MOGAT2: variants seen among roughly 807,000 people sequenced by gnomAD.
MOGAT2 encodes 2-acylglycerol O-acyltransferase 2.
In MOGAT2, 27 loss-of-function variants were observed where a neutral mutation model predicts 31.5. The ratio of observed to expected loss-of-function variants is 0.86; its 90% CI spans 0.63 to 1.18. MOGAT2 has a LOEUF of 1.18. MOGAT2 is among the 50% of genes most tolerant of loss of function. The pLI is 0.00. For synonymous variants in MOGAT2, 163 were observed against 170.0 expected, an observed-to-expected ratio of 0.96 and a Z score of 0.32; for missense variants, 436 against 433.2, an observed-to-expected ratio of 1.01 and a Z score of -0.06.
chr11:75,719,907 G>A, intron 1 of MOGAT2, 85 bp from the exon 2 acceptor site: 2 of 1,374,204 alleles, frequency 1.5e-6, no homozygotes, highest in Non-Finnish European at 2.0e-6. Flanking sequence ...CTAGTGCCAG[G>A]CCTATGGGCA....
chr11:75,729,240 C>T (rs999982929), intron 5 of MOGAT2, among the ~76,000 whole-genome samples: 1 of 152,210 alleles, frequency 6.6e-6, no homozygotes, highest in African/African-American at 2.4e-5. Context: ...ACACTAGCTG[C>T]CCTACATGAA....
chr11:75,727,416 C>G lies in MOGAT2; in HGVS notation c.271-19C>G, dbSNP rs778345959. 2 of 1,607,908 alleles carry G rather than the reference C, an allele frequency of 1.2e-6. No individual in the cohort carries two copies. Among genetic ancestry groups the G allele is most frequent in the East Asian group, 4.5e-5 (2 of 44,710 alleles). The stretch of plus-strand genomic sequence containing the variant: ...GTACACAGGCCCCGCCCTGGCTCAG[C>G]AGGTTGCCGTCCCTGCAGCTGGTCA... On this transcript the variant is annotated intron_variant, in intron 2 of 5. Transcript: ENST00000198801.
rs373792454 is a variant in MOGAT2 at position 75,728,064 on chromosome 11, G to T, written c.570G>T (p.Glu190Asp). 2.5e-6 allele frequency: 4 copies of T among 1,614,060 alleles called. No homozygotes were observed. Among genetic ancestry groups the T allele is most frequent in the Non-Finnish European group, 3.4e-6 (4 of 1,180,038 alleles). The change falls in exon 4 of 6, where the codon GAG becomes GAT. Residue 190 changes from glutamate to aspartate, a missense_variant. Glu to Asp is a conservative substitution (Grantham distance 45, BLOSUM62 2). Transcript: ENST00000198801. The stretch of plus-strand genomic sequence containing the variant: ...GCATCATTGTAGGGGGTGCCCAGGA[G>T]GCCCTGGATGCCAGGCCTGGATCCT... The part of the protein sequence containing the change: ...LLGIIVGGAQ[E>D]ALDARPGSFT...
intron 4 of MOGAT2, 179 bp downstream of exon 4, chr11:75,728,323 C>T (rs767887795): frequency 2.4e-5 from 18 of 754,776 alleles, no homozygotes; most frequent in Admixed American, 4.0e-5. Flanking sequence ...GTTTCCACAA[C>T]GGAGACTCAG....
rs1423613986 is a variant in MOGAT2, at chr11:75,731,677, C to G, written c.*391C>G. ...CTGTTGGTCGAAGCAAGTCACAACCCAGCAGATTCAAGGAGTAAGGAATAG... is the reference window on the plus strand; with the variant it reads ...CTGTTGGTCGAAGCAAGTCACAACCGAGCAGATTCAAGGAGTAAGGAATAG... On this transcript the variant is annotated 3_prime_UTR_variant, in exon 6 of 6. Transcript: ENST00000198801. 6.1e-6 allele frequency: 1 copy of G among 164,764 alleles called. No individual in the cohort carries two copies. The highest frequency in any genetic ancestry group is 2.4e-5 in the African/African-American group (1 of 41,586). 10.2% of individuals were successfully genotyped at this position (164,764 alleles called of 1,614,324 possible). A position where few individuals can be genotyped will look rare whatever the true frequency, so the allele number is the denominator to read the frequency against.
chr11:75,722,181 C>A (rs1403926211), intron 2 of MOGAT2, among the ~76,000 whole-genome samples: 2 of 152,206 alleles, frequency 1.3e-5, no homozygotes, highest in Non-Finnish European at 1.5e-5. Flanking sequence ...AAACTTAGGG[C>A]TTGCTGAGTT....
chr11:75,728,822 A>G lies in MOGAT2; in HGVS notation c.683A>G (p.Glu228Gly). 1.2e-6 allele frequency: 2 copies of G among 1,614,142 alleles called. No homozygotes were observed. The highest frequency in any genetic ancestry group is 2.7e-5 in the African/African-American group (2 of 75,036). ...CTGGTGCCAATCTTCTCCTTCGGGGAGAATGACCTATTTGACCAGATTCCC... is the reference window on the plus strand; with the variant it reads ...CTGGTGCCAATCTTCTCCTTCGGGGGGAATGACCTATTTGACCAGATTCCC... ...APLVPIFSFG[E>G]NDLFDQIPNS... The change falls in exon 5 of 6, where the codon GAG becomes GGG. Residue 228 changes from glutamate (E) to glycine (G), a missense_variant. Physicochemically the swap from Glu to Gly is moderately conservative, Grantham distance 98. Coordinates refer to ENST00000198801, the MANE Select transcript of MOGAT2 (RefSeq NM_025098.4).
In MOGAT2 at chr11:75,727,558, T is replaced by A. The variant is rs1282526158; in HGVS notation, c.394T>A (p.Phe132Ile). ...CTESTGFSSI[F>I]PGIRPHLMML... ...TGAGAGCACAGGCTTCTCTTCGATC[T>A]TCCCCGGTATCCGCCCCCATCTGAT... Residue 132 changes from phenylalanine to isoleucine, a missense_variant, in exon 3 of 6, where the codon TTC becomes ATC. Coordinates refer to ENST00000198801, the MANE Select transcript of MOGAT2 (RefSeq NM_025098.4). The A allele has an allele frequency of 6.2e-7, 1 of 1,614,192 alleles. No homozygotes were observed.
At chr11:75,724,626 C>T (rs558077052) in intron 2 of MOGAT2, among the ~76,000 whole-genome samples, 1 of 151,930 alleles carries the variant, frequency 6.6e-6, no homozygotes, top group East Asian at 1.9e-4. Context: ...CACGCCATTG[C>T]ACTCCAGCCT....
At chr11:75,727,829 G>C in intron 3 of MOGAT2, 141 bp from the exon 4 acceptor site, 2 of 1,032,374 alleles carry the variant, frequency 1.9e-6, no homozygotes, top group Non-Finnish European at 2.8e-6. Flanking sequence ...GACTCAGGGA[G>C]CTCCTAGCTG....
At position 75,718,171 on chromosome 11, in the gene MOGAT2, A is replaced by G. The variant is rs146419096; in HGVS notation, c.91+192A>G. Reference sequence around the variant, plus strand: ...GCTTCTTGGGGGTGGAGTGGGGTAGAAGTCACCGTCTGCTGCTCTGGGCAG... The same window carrying G: ...GCTTCTTGGGGGTGGAGTGGGGTAGGAGTCACCGTCTGCTGCTCTGGGCAG... On this transcript the variant is annotated intron_variant, in intron 1 of 5. Coordinates refer to ENST00000198801, the MANE Select transcript of MOGAT2 (RefSeq NM_025098.4). 3.6e-3 allele frequency among the ~76,000 whole-genome samples: 548 copies of G among 152,224 alleles called. 2 individuals are homozygous for G. Among genetic ancestry groups the G allele is most frequent in the African/African-American group, 0.013 (520 of 41,528 alleles).
At position 75,728,895 on chromosome 11, in the gene MOGAT2, G is replaced by C; in HGVS notation, c.756G>C (p.Lys252Asn). Residue 252 changes from lysine to asparagine, a missense_variant, in exon 5 of 6, where the codon AAG (lysine) becomes AAC (asparagine). Transcript: ENST00000198801. ...WLRYIQNRLQ[K>N]IMGISLPLFH... Reference sequence around the variant, plus strand: ...GCTATATCCAGAATCGGTTGCAGAAGATCATGGGCATCTCCCTCCCACTCT... The same window carrying C: ...GCTATATCCAGAATCGGTTGCAGAACATCATGGGCATCTCCCTCCCACTCT... 1.2e-6 allele frequency: 2 copies of C among 1,614,212 alleles called. No homozygotes were observed. Among genetic ancestry groups the C allele is most frequent in the South Asian group, 1.1e-5 (1 of 91,090 alleles).
intron 4 of MOGAT2, 84 bp downstream of exon 4, chr11:75,728,228 A>C (rs1944440619): frequency 2.9e-6 from 4 of 1,392,104 alleles, no homozygotes; most frequent in Non-Finnish European, 4.0e-6. Context: ...GCAGAGACGA[A>C]TGCAGATTCT....
rs1287736664 is a variant in MOGAT2 at position 75,727,490 on chromosome 11, C to G, written c.326C>G (p.Pro109Arg). ...PSRNYIAGFH[P>R]HGVLAVGAFA... ...CGGAACTACATTGCGGGCTTCCACC[C>G]CCATGGAGTCCTGGCAGTCGGAGCC... Residue 109 changes from proline (P) to arginine (R), a missense_variant, in exon 3 of 6, where the codon CCC (proline) becomes CGC (arginine). Transcript: ENST00000198801. 6.2e-7 allele frequency: 1 copy of G among 1,614,140 alleles called. No individual in the cohort carries two copies. Among genetic ancestry groups the G allele is most frequent in the Non-Finnish European group, 8.5e-7 (1 of 1,180,012 alleles).
At chr11:75,730,242 G>C (rs942303179) in intron 5 of MOGAT2, among the ~76,000 whole-genome samples, 1 of 152,220 alleles carries the variant, frequency 6.6e-6, no homozygotes, top group Non-Finnish European at 1.5e-5. Flanking sequence ...CAGCCAGGCA[G>C]AACCAGAGAA....
rs775318791 is a variant in MOGAT2 at position 75,727,971 on chromosome 11, G to A, written c.477G>A (p.Gly159=). Residue 159 remains glycine, a splice_region_variant and synonymous_variant, in exon 4 of 6, where the codon GGG becomes GGA. Transcript: ENST00000198801. ...TGACCCACTTTTCTCTTTCCCTAGG[G>A]TTGGTCACATCAGAAAAGGAGAGTG... ...PFFRDYIMSA[G]LVTSEKESAA... is the part of the protein sequence containing the mutation. The A allele has an allele frequency of 1.2e-6, 2 of 1,606,276 alleles. No individual in the cohort carries two copies. Among genetic ancestry groups the A allele is most frequent in the Non-Finnish European group, 1.7e-6 (2 of 1,175,276 alleles).
At chr11:75,725,625 G>C (rs1040799581) in intron 2 of MOGAT2, among the ~76,000 whole-genome samples, 5 of 152,226 alleles carry the variant, frequency 3.3e-5, no homozygotes, top group African/African-American at 1.2e-4. Flanking sequence ...ATGTGGAACT[G>C]TTCAGCCTGG....
rs149944469 is a variant in MOGAT2, at chr11:75,729,933, C to G, written c.850+944C>G. On this transcript the variant is annotated intron_variant, in intron 5 of 5. Transcript: ENST00000198801. ...GTAATTTTTGTATTTTTAGTAGAGA[C>G]AGGGTTTCACCATGTTGGCCAGGCT... is the stretch of plus-strand genomic sequence containing the variant. 3.1e-3 allele frequency among the ~76,000 whole-genome samples: 470 copies of G among 149,432 alleles called. 5 individuals are homozygous for G. Among genetic ancestry groups the G allele is most frequent in the African/African-American group, 0.011 (444 of 40,382 alleles).
Position 75,728,817 on chromosome 11 carries a change from C to G in MOGAT2, c.678C>G (p.Phe226Leu). ...CACCCCTGGTGCCAATCTTCTCCTT[C>G]GGGGAGAATGACCTATTTGACCAGA... ...HGAPLVPIFSFGENDLFDQIP... is the reference protein window; with the variant it reads ...HGAPLVPIFSLGENDLFDQIP... Residue 226 changes from phenylalanine (F) to leucine (L), a missense_variant, in exon 5 of 6, where the codon TTC becomes TTG. Phe to Leu is a conservative substitution (Grantham distance 22, BLOSUM62 0). Transcript: ENST00000198801. 1 of 1,614,216 alleles carries G rather than the reference C, an allele frequency of 6.2e-7. No homozygotes were observed. The highest frequency in any genetic ancestry group is 8.5e-7 in the Non-Finnish European group (1 of 1,180,038).
Sources: gnomAD v4.1 joint callset for allele counts (sites outside exome capture counted in the v4.1 genomes callset) on GRCh38, gnomAD v4.1.1 for gene constraint, MANE v1.5 for transcripts, NCBI Gene and HGNC (gene_info 2026-07-23, HGNC 2026-07-21) for gene names.